HAVCR1: variants seen among roughly 807,000 people sequenced by gnomAD.
The protein encoded by HAVCR1 is hepatitis A virus cellular receptor 1.
A neutral mutation model predicts 32.0 loss-of-function variants in HAVCR1; 34 were observed. The ratio of observed to expected loss-of-function variants is 1.06; its 90% CI spans 0.81 to 1.42. The LOEUF (loss-of-function observed/expected upper bound fraction) is 1.42. HAVCR1 is among the 40% of genes most tolerant of loss of function. The pLI, the probability that HAVCR1 is intolerant of heterozygous loss-of-function variation, is 0.00. For synonymous variants in HAVCR1, 178 were observed against 170.3 expected (o/e 1.05, Z -0.35); for missense variants, 420 against 442.3 (o/e 0.95, Z 0.45).
intron 5 of HAVCR1, among the ~76,000 whole-genome samples, chr5:157,043,484 T>C (rs1428575181): frequency 3.9e-5 from 6 of 152,068 alleles, no homozygotes; most frequent in Admixed American, 3.9e-4. Context: ...CTGGCCAACA[T>C]AGTGAAATCC....
intron 8 of HAVCR1, among the ~76,000 whole-genome samples, chr5:157,031,236 T>C (rs1287869793): frequency 6.6e-6 from 1 of 152,314 alleles, no homozygotes; most frequent in East Asian, 1.9e-4. Context: ...TCGATGTGTA[T>C]TGAGCACTTA....
intron 2 of HAVCR1, among the ~76,000 whole-genome samples, chr5:157,057,469 T>A (rs67114357): frequency 1.4e-5 from 2 of 144,326 alleles, no homozygotes; most frequent in African/African-American, 2.6e-5. Flanking sequence ...GAAAGAGAAT[T>A]GAATGTGGCT....
At chr5:157,036,888 T>C (rs1301635354) in intron 7 of HAVCR1, among the ~76,000 whole-genome samples, 5 of 150,358 alleles carry the variant, frequency 3.3e-5, no homozygotes, top group Admixed American at 1.3e-4. Context: ...TGCTTTTTTG[T>C]TTTGTTTTTG....
At chr5:157,044,625 GAA>G (rs1168167052) in intron 5 of HAVCR1, among the ~76,000 whole-genome samples, 214 of 51,862 alleles carry the variant, frequency 4.1e-3, no homozygotes, top group East Asian at 0.011. Context: ...GAGAAAGAAA[GAA>G]AGAAAGAAAG....
chr5:157,059,077 G>T lies in HAVCR1; in HGVS notation c.-169C>A, dbSNP rs752814234. 1 of 152,218 alleles carries T rather than the reference G, an allele frequency of 6.6e-6. No homozygotes were observed. Among genetic ancestry groups the T allele is most frequent in the Admixed American group, 6.5e-5 (1 of 15,282 alleles). 9.4% of individuals were successfully genotyped at this position (152,218 alleles called of 1,614,324 possible). On this transcript the variant is annotated 5_prime_UTR_variant, in exon 1 of 9. Coordinates refer to ENST00000523175, the MANE Select transcript of HAVCR1 (RefSeq NM_001173393.3). ...ATAATAAGCAAAAAGGGCCACGGAA[G>T]AACTTGGAAAACTAAACCTACATCA...
chr5:157,031,384 T>C (rs1040756124), intron 8 of HAVCR1, among the ~76,000 whole-genome samples: 3 of 152,198 alleles, frequency 2.0e-5, no homozygotes, highest in African/African-American at 7.2e-5. Flanking sequence ...GAGGGATAGA[T>C]TCTGAATCAG....
upstream of HAVCR1, among the ~76,000 whole-genome samples, chr5:157,061,000 T>C (rs902037256): frequency 6.6e-6 from 1 of 151,924 alleles, no homozygotes; most frequent in African/African-American, 2.4e-5. Context: ...TGGGTTTAAG[T>C]GATTCTCTTG....
chr5:157,050,239 A>C (rs1360044019), intron 4 of HAVCR1, among the ~76,000 whole-genome samples: 3 of 152,232 alleles, frequency 2.0e-5, no homozygotes, highest in African/African-American at 7.2e-5. Context: ...AACGAAAAAC[A>C]GAACAACACA....
Position 157,058,104 on chromosome 5 carries a change from T to C in HAVCR1, c.-12-149A>G, listed in dbSNP as rs180761044. ...GCTGGAAATGAGAGAAGACCACATA[T>C]AACGGCTTCAGAGCTCTGTTAGTTC... On this transcript the variant is annotated intron_variant, in intron 1 of 8. Transcript: ENST00000523175. 34 of 637,094 alleles carry C rather than the reference T, an allele frequency of 5.3e-5. No homozygotes were observed. In the African/African-American group the frequency reaches 5.9e-4, roughly 11 times the overall value. The allele number at this position is 637,094 out of a possible 1,614,324, so 39.5% of individuals were successfully genotyped here.
chr5:157,053,286 A>G (rs1290908956), intron 3 of HAVCR1, among the ~76,000 whole-genome samples: 1 of 149,956 alleles, frequency 6.7e-6, no homozygotes, highest in Non-Finnish European at 1.5e-5. Context: ...TGAAAGGCTG[A>G]GGCATAAGGA....
intron 6 of HAVCR1, among the ~76,000 whole-genome samples, chr5:157,038,714 G>A (rs1364247282): frequency 1.3e-5 from 2 of 152,192 alleles, no homozygotes; most frequent in African/African-American, 4.8e-5. Context: ...GAAGTGTAAT[G>A]TGGGTAGATG....
chr5:157,036,749 C>A (rs1422705301), intron 7 of HAVCR1, among the ~76,000 whole-genome samples: 1 of 151,968 alleles, frequency 6.6e-6, no homozygotes, highest in Non-Finnish European at 1.5e-5. Flanking sequence ...GTTGCCCAGG[C>A]TGGTTTTGAA....
intron 2 of HAVCR1, 98 bp from the exon 3 acceptor site, chr5:157,055,631 C>A: frequency 2.8e-6 from 2 of 701,812 alleles, no homozygotes; most frequent in South Asian, 4.3e-5. Flanking sequence ...TTTGGGAGAC[C>A]AAGGCAGGCA....
chr5:157,067,274 T>C, the HAVCR1 span, among the ~76,000 whole-genome samples: 1 of 152,218 alleles, frequency 6.6e-6, no homozygotes, highest in Admixed American at 6.5e-5. Context: ...TTCAAAGGCA[T>C]TTAATGGCTT....
At chr5:157,030,731 G>A (rs1432764835) in intron 8 of HAVCR1, among the ~76,000 whole-genome samples, 1 of 152,196 alleles carries the variant, frequency 6.6e-6, no homozygotes, top group Admixed American at 6.5e-5. Context: ...GCATTTTGAT[G>A]TAACTGGTTA....
intron 5 of HAVCR1, among the ~76,000 whole-genome samples, chr5:157,046,668 A>G (rs1755414367): frequency 6.6e-6 from 1 of 152,204 alleles, no homozygotes; most frequent in Non-Finnish European, 1.5e-5. Flanking sequence ...TCCAAGATCA[A>G]GGCACAGGCT....
At chr5:157,038,510 T>C (rs1394462291) in intron 6 of HAVCR1, among the ~76,000 whole-genome samples, 2 of 152,228 alleles carry the variant, frequency 1.3e-5, no homozygotes, top group Non-Finnish European at 2.9e-5. Context: ...TCTGAATCTA[T>C]TTCTATGTCT....
chr5:157,033,009 C>A (rs1030909558), intron 7 of HAVCR1, 122 bp from the exon 8 acceptor site: 1 of 621,510 alleles, frequency 1.6e-6, no homozygotes, highest in Admixed American at 3.3e-5. Context: ...TCCCTGGTAC[C>A]TTGAGGTGTC....
chr5:157,044,215 C>T (rs935649806), intron 5 of HAVCR1, among the ~76,000 whole-genome samples: 1 of 151,666 alleles, frequency 6.6e-6, no homozygotes, highest in African/African-American at 2.4e-5. Context: ...ATCTGTAATT[C>T]CAGCTACTTG....
Sources: allele counts gnomAD v4.1 joint callset (sites outside exome capture counted in the v4.1 genomes callset), GRCh38; gene constraint gnomAD v4.1.1; transcripts MANE v1.5; gene names NCBI Gene and HGNC (gene_info 2026-07-23, HGNC 2026-07-21).